PEX5: variants seen among roughly 807,000 people sequenced by gnomAD.
PEX5 encodes the protein peroxisomal biogenesis factor 5.
A neutral mutation model predicts 82.9 loss-of-function variants in PEX5; 52 were observed. The ratio of observed to expected loss-of-function variants is 0.63; its 90% CI spans 0.50 to 0.79. PEX5 has a LOEUF of 0.79. Ranked by LOEUF, PEX5 falls within the 30% of genes least tolerant of loss-of-function variation. The pLI is 0.00. For synonymous variants in PEX5, 300 were observed against 318.8 expected (o/e 0.94, Z 0.63); for missense variants, 719 against 815.2 (o/e 0.88, Z 1.44).
At chr12:7,203,603 C>A in intron 10 of PEX5, 52 bp downstream of exon 10, 1 of 1,563,038 alleles carries the variant, frequency 6.4e-7, no homozygotes, top group Non-Finnish European at 8.7e-7. Flanking sequence ...TTCTTTTTAA[C>A]GTCTTTCCTT....
At chr12:7,198,318 C>T (rs1053748191) in intron 5 of PEX5, among the ~76,000 whole-genome samples, 2 of 152,104 alleles carry the variant, frequency 1.3e-5, no homozygotes, top group African/African-American at 4.8e-5. Flanking sequence ...CGTTCTGTAT[C>T]TTGATCCGGG....
At chr12:7,190,954 T>A (rs1421825974) in intron 3 of PEX5, 31 bp downstream of exon 3, 1 of 1,603,658 alleles carries the variant, frequency 6.2e-7, no homozygotes, top group South Asian at 1.1e-5. Flanking sequence ...TCTGTCCCAT[T>A]TTTCTCTTGC....
chr12:7,197,331 GTAA>G (rs1383555462), intron 5 of PEX5, among the ~76,000 whole-genome samples: 76 of 125,692 alleles, frequency 6.0e-4, no homozygotes, highest in Middle Eastern at 7.4e-3. Context: ...CATATACAAT[GTAA>G]TAATTATATA....
At chr12:7,206,606 C>T (rs73051955) in intron 10 of PEX5, among the ~76,000 whole-genome samples, 2,032 of 152,162 alleles carry the variant, frequency 0.013, 26 homozygotes, top group Non-Finnish European at 0.016. Flanking sequence ...TCTTAAACCC[C>T]CCATTGTAAT....
chr12:7,214,188 A>G (rs1228679084), downstream of PEX5, among the ~76,000 whole-genome samples: 2 of 152,210 alleles, frequency 1.3e-5, no homozygotes, highest in Non-Finnish European at 2.9e-5. Flanking sequence ...ATCTAGAACT[A>G]GAAATACCAT....
intron 10 of PEX5, among the ~76,000 whole-genome samples, chr12:7,206,293 TA>T (rs531065505): frequency 9.1e-4 from 138 of 152,374 alleles, no homozygotes; most frequent in Non-Finnish European, 1.7e-3. Context: ...GAAAATTATA[TA>T]AAATTCAAAT....
At chr12:7,200,888 G>C (rs934922712) in intron 6 of PEX5, among the ~76,000 whole-genome samples, 1 of 150,952 alleles carries the variant, frequency 6.6e-6, no homozygotes, top group East Asian at 1.9e-4. Context: ...TGGAAAGAGA[G>C]GGGGAGAGAG....
At chr12:7,207,948 CA>C in intron 11 of PEX5, 61 bp from the exon 12 acceptor site, 5 of 1,541,236 alleles carry the variant, frequency 3.2e-6, no homozygotes, top group Non-Finnish European at 4.5e-6. Flanking sequence ...TGGGAGAAGC[CA>C]GGGGGAAGGG....
chr12:7,190,181 G>GA, intron 1 of PEX5, 181 bp from the exon 2 acceptor site: 1 of 1,516,924 alleles, frequency 6.6e-7, no homozygotes. Context: ...GGGGCGGCAG[G>GA]AGAGAGTACC....
chr12:7,210,086 G>A lies in PEX5; in HGVS notation c.1783G>A (p.Glu595Lys). 6.2e-7 allele frequency: 1 copy of A among 1,614,260 alleles called. No individual in the cohort carries two copies. Among genetic ancestry groups the A allele is most frequent in the South Asian group, 1.1e-5 (1 of 91,090 alleles). ...MQRKSRGPRG[E>K]GGAMSENIWS... is the part of the protein sequence containing the mutation. ...GAGGAAAAGCCGGGGCCCCCGGGGTGAAGGAGGTGCCATGTCGGAGAACAT... is the reference window on the plus strand; with the variant it reads ...GAGGAAAAGCCGGGGCCCCCGGGGTAAAGGAGGTGCCATGTCGGAGAACAT... The change falls in exon 16 of 16, where the codon GAA becomes AAA. Residue 595 changes from glutamate to lysine, a missense_variant. Coordinates refer to ENST00000675855, the MANE Select transcript of PEX5 (RefSeq NM_001351132.2).
chr12:7,194,962 T>C (rs1270143720), intron 5 of PEX5, among the ~76,000 whole-genome samples: 1 of 152,214 alleles, frequency 6.6e-6, no homozygotes, highest in Non-Finnish European at 1.5e-5. Context: ...CCCCTACTGT[T>C]ATCTCTGCTT....
At chr12:7,198,480 G>A (rs7954087) in intron 5 of PEX5, among the ~76,000 whole-genome samples, 111,756 of 152,040 alleles carry the variant, frequency 0.74, 41,830 homozygotes, top group South Asian at 0.83. Flanking sequence ...AGACCTATGT[G>A]TCTTTAATTC....
At chr12:7,200,778 C>T (rs770790198) in intron 6 of PEX5, among the ~76,000 whole-genome samples, 1 of 151,294 alleles carries the variant, frequency 6.6e-6, no homozygotes, top group African/African-American at 2.4e-5. Context: ...CAATTGCAGG[C>T]ACTCGGCAGG....
chr12:7,198,340 T>A (rs188074086), intron 5 of PEX5, among the ~76,000 whole-genome samples: 31 of 152,340 alleles, frequency 2.0e-4, no homozygotes, highest in African/African-American at 7.5e-4. Flanking sequence ...GGTGGTTATG[T>A]GAGTGTATCA....
chr12:7,215,791 C>A (rs1945760183), downstream of PEX5, among the ~76,000 whole-genome samples: 1 of 152,084 alleles, frequency 6.6e-6, no homozygotes, highest in South Asian at 2.1e-4. Context: ...TATGCTCACT[C>A]TTCTGGGTGA....
intron 10 of PEX5, among the ~76,000 whole-genome samples, chr12:7,206,457 G>T (rs866003877): frequency 1.6e-3 from 239 of 152,322 alleles, no homozygotes; most frequent in African/African-American, 5.5e-3. Flanking sequence ...CGCAGAAAAA[G>T]TTTGCTGATC....
chr12:7,197,235 G>GTAATTATATATGTTATATA (rs1565687246), intron 5 of PEX5, among the ~76,000 whole-genome samples: 1 of 11,814 alleles, frequency 8.5e-5, no homozygotes, highest in Non-Finnish European at 2.0e-4. Context: ...TATGTCATAT[G>GTAATTATATATGTTATATA]TAATAATTAT....
At chr12:7,191,201 C>A in intron 3 of PEX5, 25 bp from the exon 4 acceptor site, 1 of 1,614,130 alleles carries the variant, frequency 6.2e-7, no homozygotes, top group Non-Finnish European at 8.5e-7. Flanking sequence ...CCTATGGGTT[C>A]ATTTCATCAT....
intron 17 of PEX5, among the ~76,000 whole-genome samples, chr12:7,217,834 T>G (rs1945820966): frequency 6.6e-6 from 1 of 152,190 alleles, no homozygotes; most frequent in South Asian, 2.1e-4. Flanking sequence ...GTGTCCTGCA[T>G]GTGCACCTGT....
Sources: allele counts gnomAD v4.1 joint callset (sites outside exome capture counted in the v4.1 genomes callset), GRCh38; gene constraint gnomAD v4.1.1; transcripts MANE v1.5; gene names NCBI Gene and HGNC (gene_info 2026-07-23, HGNC 2026-07-21).